TMEM117: variants seen among roughly 807,000 people sequenced by gnomAD.
TMEM117 encodes transmembrane protein 117.
In TMEM117, 27 loss-of-function variants were observed where a neutral mutation model predicts 52.4. That is an observed-to-expected ratio of 0.51 (90% CI 0.38 to 0.71). TMEM117 has a LOEUF of 0.71. Among genes scored for constraint, TMEM117 ranks in the 30% least tolerant of loss-of-function variants. The pLI is 0.00. For synonymous variants in TMEM117, 215 were observed against 206.3 expected, an observed-to-expected ratio of 1.04 and a Z score of -0.36; for missense variants, 556 against 630.5, an observed-to-expected ratio of 0.88 and a Z score of 1.26.
chr12:44,202,083 A>G (rs1043992812), intron 4 of TMEM117, among the ~76,000 whole-genome samples: 6 of 152,004 alleles, frequency 3.9e-5, no homozygotes, highest in African/African-American at 1.4e-4. Context: ...AAAGAGTTAA[A>G]TATGTTAATA....
intron 5 of TMEM117, among the ~76,000 whole-genome samples, chr12:44,277,267 C>A (rs939397618): frequency 2.0e-5 from 3 of 152,118 alleles, no homozygotes; most frequent in Admixed American, 6.6e-5. Context: ...TTAATTATAG[C>A]TGTCAAGAGC....
chr12:44,088,482 C>T (rs1237428182), intron 3 of TMEM117, among the ~76,000 whole-genome samples: 1 of 152,170 alleles, frequency 6.6e-6, no homozygotes, highest in Non-Finnish European at 1.5e-5. Flanking sequence ...TGTATTTCCT[C>T]TTAAAAAATT....
chr12:44,281,826 C>G (rs1030111521), intron 5 of TMEM117, among the ~76,000 whole-genome samples: 2 of 152,094 alleles, frequency 1.3e-5, no homozygotes, highest in African/African-American at 4.8e-5. Flanking sequence ...ATTGCCATAT[C>G]TTTATTATGA....
At chr12:44,120,982 G>A (rs1336275230) in intron 3 of TMEM117, among the ~76,000 whole-genome samples, 2 of 152,168 alleles carry the variant, frequency 1.3e-5, no homozygotes, top group Admixed American at 1.3e-4. Flanking sequence ...GAGGTTTATT[G>A]GACTTACAGT....
chr12:44,268,537 G>A (rs540878810), intron 5 of TMEM117, among the ~76,000 whole-genome samples: 1 of 151,892 alleles, frequency 6.6e-6, no homozygotes, highest in South Asian at 2.1e-4. Context: ...ATAGAAGAGT[G>A]TATTATAAAT....
In TMEM117 at chr12:44,354,236, A is replaced by G. The variant is rs1951610132; in HGVS notation, c.769-22359A>G. ...CTAGATATACAATCATGTCATCTGC[A>G]AACAGGGACAATTTGACTTCCTCTT... On this transcript the variant is annotated intron_variant, in intron 6 of 7. Transcript: ENST00000266534. 2.0e-5 allele frequency among the ~76,000 whole-genome samples: 3 copies of G among 152,260 alleles called. No homozygotes were observed. In the South Asian group the frequency reaches 6.2e-4, roughly 32 times the overall value.
At chr12:44,398,186 A>G in the TMEM117 span, among the ~76,000 whole-genome samples, 1 of 152,072 alleles carries the variant, frequency 6.6e-6, no homozygotes, top group Non-Finnish European at 1.5e-5. Context: ...ACATTGAAGA[A>G]AACAGGAGCA....
At chr12:43,853,201 G>T (rs1943341101) in intron 2 of TMEM117, among the ~76,000 whole-genome samples, 1 of 152,168 alleles carries the variant, frequency 6.6e-6, no homozygotes, top group African/African-American at 2.4e-5. Context: ...ACAATGCCTG[G>T]CACAGTAGCA....
At chr12:44,295,062 C>T (rs1950750569) in intron 5 of TMEM117, among the ~76,000 whole-genome samples, 2 of 151,966 alleles carry the variant, frequency 1.3e-5, no homozygotes, top group African/African-American at 4.8e-5. Flanking sequence ...TGTCTGTATC[C>T]CTCTGGGAAG....
chr12:44,002,613 T>A (rs550244523), intron 3 of TMEM117, among the ~76,000 whole-genome samples: 2 of 152,136 alleles, frequency 1.3e-5, no homozygotes, highest in African/African-American at 4.8e-5. Context: ...CTTCCCTCCC[T>A]CCTTTCCCTG....
intron 5 of TMEM117, among the ~76,000 whole-genome samples, chr12:44,225,683 G>A (rs975724132): frequency 6.6e-5 from 10 of 152,130 alleles, no homozygotes; most frequent in African/African-American, 2.4e-4. Flanking sequence ...AATGCCAACT[G>A]CAGGTCTCTG....
chr12:44,396,701 A>C, the TMEM117 span, among the ~76,000 whole-genome samples: 1 of 152,038 alleles, frequency 6.6e-6, no homozygotes, highest in South Asian at 2.1e-4. Context: ...TGAAAATATA[A>C]AAATTAGCCT....
chr12:43,802,589 A>G, the TMEM117 span: 2 of 731,996 alleles, frequency 2.7e-6, no homozygotes, highest in Non-Finnish European at 4.5e-6. Flanking sequence ...CAAAAAGTTG[A>G]AAAGAAAAAT....
intron 5 of TMEM117, among the ~76,000 whole-genome samples, chr12:44,281,351 T>C (rs1364195134): frequency 3.9e-5 from 6 of 152,170 alleles, no homozygotes; most frequent in Non-Finnish European, 8.8e-5. Flanking sequence ...AAACATTGTC[T>C]CTTTTAGGGG....
chr12:43,862,411 C>A (rs750311166), intron 2 of TMEM117, among the ~76,000 whole-genome samples: 11 of 152,184 alleles, frequency 7.2e-5, no homozygotes, highest in Non-Finnish European at 1.3e-4. Context: ...CCTGCCTTGG[C>A]CTCCCAAAGT....
intron 2 of TMEM117, among the ~76,000 whole-genome samples, chr12:43,869,732 T>C (rs897130345): frequency 6.6e-6 from 1 of 152,266 alleles, no homozygotes; most frequent in African/African-American, 2.4e-5. Flanking sequence ...CTTGGATCTC[T>C]ACATTTTTTT....
chr12:43,804,604 T>G, the TMEM117 span: 1 of 1,421,532 alleles, frequency 7.0e-7, no homozygotes, highest in South Asian at 1.3e-5. Flanking sequence ...GTAAACTTTT[T>G]ATACTTACAT....
At chr12:44,391,656 C>T (rs1389666658), downstream of TMEM117, among the ~76,000 whole-genome samples, 1 of 152,158 alleles carries the variant, frequency 6.6e-6, no homozygotes, top group Non-Finnish European at 1.5e-5. Context: ...GTCACCAACA[C>T]AGCCCAATAT....
At chr12:43,810,809 A>G in the TMEM117 span, among the ~76,000 whole-genome samples, 19 of 152,218 alleles carry the variant, frequency 1.2e-4, no homozygotes, top group Admixed American at 7.9e-4. Flanking sequence ...GCGCTGCTCC[A>G]TAACAAATAC....
Sources: allele counts gnomAD v4.1 joint callset (sites outside exome capture counted in the v4.1 genomes callset), GRCh38; gene constraint gnomAD v4.1.1; transcripts MANE v1.5; gene names NCBI Gene and HGNC (gene_info 2026-07-23, HGNC 2026-07-21).